RIPOR3: variants seen among roughly 807,000 people sequenced by gnomAD.
The protein encoded by RIPOR3 is RIPOR family member 3.
RIPOR3 carries 95 observed loss-of-function variants against 114.3 expected under a neutral mutation model. The ratio of observed to expected loss-of-function variants is 0.83; its 90% CI spans 0.70 to 0.99. The LOEUF is 0.99. RIPOR3 is among the 50% of genes least tolerant of loss of function. The probability of loss-of-function intolerance (pLI) is 0.00; values close to 1 mark genes in which losing one functional copy is unlikely to be tolerated. For synonymous variants in RIPOR3, 575 were observed against 543.8 expected (o/e 1.06, Z -0.80); for missense variants, 1,252 against 1,266.9 (o/e 0.99, Z 0.18).
chr20:50,688,064 C>T (rs1016533970), intron 1 of RIPOR3, among the ~76,000 whole-genome samples: 3 of 152,268 alleles, frequency 2.0e-5, no homozygotes, highest in Admixed American at 2.0e-4. Context: ...CTGTAATCAA[C>T]CTATGGTTAC....
At chr20:50,632,948 G>A (rs6012983) in intron 1 of RIPOR3, among the ~76,000 whole-genome samples, 5,856 of 152,246 alleles carry the variant, frequency 0.038, 399 homozygotes, top group African/African-American at 0.13. Flanking sequence ...GTGCTGTGCT[G>A]AGCCAGCTTG....
At chr20:50,652,563 C>T (rs2123406688) in intron 1 of RIPOR3, among the ~76,000 whole-genome samples, 1 of 128,644 alleles carries the variant, frequency 7.8e-6, no homozygotes, top group South Asian at 2.6e-4. Context: ...GGCACTCCAG[C>T]CTGGGCGACA....
chr20:50,652,013 T>C (rs1436012965), intron 1 of RIPOR3, among the ~76,000 whole-genome samples: 1 of 152,140 alleles, frequency 6.6e-6, no homozygotes, highest in Non-Finnish European at 1.5e-5. Flanking sequence ...CCCCTCGGAG[T>C]CTGGCACAGG....
At chr20:50,631,132 G>A (rs188541939) in intron 1 of RIPOR3, among the ~76,000 whole-genome samples, 48 of 152,246 alleles carry the variant, frequency 3.2e-4, no homozygotes, top group Middle Eastern at 3.4e-3. Flanking sequence ...GCCTCCCAGA[G>A]CAAGGGGACA....
At chr20:50,675,940 TCAGA>T (rs1242232019) in intron 1 of RIPOR3, among the ~76,000 whole-genome samples, 1 of 152,194 alleles carries the variant, frequency 6.6e-6, no homozygotes, top group Middle Eastern at 3.2e-3. Context: ...TTAAATATCC[TCAGA>T]CAATCCCAGA....
chr20:50,666,092 A>G (rs1206080784), intron 1 of RIPOR3, among the ~76,000 whole-genome samples: 1 of 151,464 alleles, frequency 6.6e-6, no homozygotes, highest in Non-Finnish European at 1.5e-5. Flanking sequence ...GGAAGGGTTT[A>G]TTAACATGAC....
chr20:50,597,425 G>A (rs2083331609), intron 14 of RIPOR3, 155 bp downstream of exon 14: 5 of 1,115,698 alleles, frequency 4.5e-6, no homozygotes, highest in African/African-American at 3.1e-5. Context: ...GGGGATGTGC[G>A]GGGATGGCAT....
intron 1 of RIPOR3, among the ~76,000 whole-genome samples, chr20:50,672,022 G>A (rs1389373778): frequency 6.8e-6 from 1 of 146,948 alleles, no homozygotes; most frequent in East Asian, 2.1e-4. Context: ...GGATGGATGG[G>A]TAGGTGGGTG....
intron 1 of RIPOR3, among the ~76,000 whole-genome samples, chr20:50,679,104 CAAAAAAAAAAAAAAAAAAA>C (rs1215128742): frequency 2.8e-5 from 1 of 35,988 alleles, no homozygotes; most frequent in Admixed American, 6.1e-4. Flanking sequence ...GATCCTGTCT[CAAAAAAAAAAAAAAAAAAA>C]AAAAAAAAAA....
intron 11 of RIPOR3, among the ~76,000 whole-genome samples, chr20:50,606,223 C>A (rs928970818): frequency 3.3e-5 from 5 of 152,032 alleles, no homozygotes; most frequent in African/African-American, 1.2e-4. Flanking sequence ...AAAAAAGAAA[C>A]CTTTCTCAGA....
intron 1 of RIPOR3, among the ~76,000 whole-genome samples, chr20:50,633,764 G>A (rs1050222050): frequency 2.0e-5 from 3 of 152,126 alleles, no homozygotes; most frequent in Non-Finnish European, 4.4e-5. Flanking sequence ...CAAGCCCCAG[G>A]TCCTCCTGCT....
intron 1 of RIPOR3, among the ~76,000 whole-genome samples, chr20:50,638,020 C>T (rs1246998882): frequency 2.0e-5 from 3 of 151,914 alleles, no homozygotes; most frequent in Non-Finnish European, 4.4e-5. Flanking sequence ...GCCCAGCCTG[C>T]TGGTTTTTAA....
rs552767410 is a variant in RIPOR3, at chr20:50,602,403, T to C, written c.1328A>G (p.Glu443Gly). The C allele has an allele frequency of 6.2e-7, 1 of 1,610,272 alleles. No homozygotes were observed. Among genetic ancestry groups the C allele is most frequent in the Admixed American group, 1.7e-5 (1 of 59,790 alleles). ...PLTFGPHASI[E>G]EEAREDPLPP... ...CAGGGGGTCCTCCCGAGCCTCCTCT[T>C]CAATGGAGGCGTGGGGACCGAAGGT... The change falls in exon 13 of 22, where the codon GAA becomes GGA. Residue 443 changes from glutamate to glycine, a missense_variant. By Grantham distance (98) the Glu-to-Gly change is moderately conservative. Coordinates refer to ENST00000327979, the MANE Select transcript of RIPOR3 (RefSeq NM_001290268.2). The surrounding 1 kb of genome is among the most constrained non-coding windows in gnomAD (Gnocchi z 4.3).
chr20:50,667,543 C>T (rs371523236), intron 1 of RIPOR3, among the ~76,000 whole-genome samples: 11 of 151,972 alleles, frequency 7.2e-5, no homozygotes, highest in Admixed American at 2.0e-4. Context: ...CCGCCTGCCT[C>T]GGCCTCCCAA....
intron 1 of RIPOR3, among the ~76,000 whole-genome samples, chr20:50,640,189 G>A (rs1444682078): frequency 1.3e-5 from 2 of 152,202 alleles, no homozygotes; most frequent in Admixed American, 6.5e-5. Flanking sequence ...TGGGTCTGCG[G>A]CTCCCACAGG....
chr20:50,631,512 G>A (rs1039220650), intron 1 of RIPOR3, among the ~76,000 whole-genome samples: 1 of 152,230 alleles, frequency 6.6e-6, no homozygotes, highest in Admixed American at 6.5e-5. Context: ...GGCTAAAGAC[G>A]AGGTCAGAGA....
At chr20:50,592,272 C>G in intron 19 of RIPOR3, 72 bp downstream of exon 19, 2 of 1,443,330 alleles carry the variant, frequency 1.4e-6, no homozygotes, top group Non-Finnish European at 1.8e-6. Context: ...TTGTACTTTT[C>G]CATGAGAACA....
intron 1 of RIPOR3, chr20:50,659,989 G>A (rs914747406): frequency 6.6e-6 from 1 of 152,218 alleles, no homozygotes; most frequent in African/African-American, 2.4e-5. Flanking sequence ...TGCCCCAAAA[G>A]GATGAGCCTG....
At chr20:50,638,290 C>T (rs549577898) in intron 1 of RIPOR3, among the ~76,000 whole-genome samples, 23 of 152,308 alleles carry the variant, frequency 1.5e-4, no homozygotes, top group Admixed American at 9.2e-4. Flanking sequence ...GCTCCACTGT[C>T]CCAGGACTGC....
Sources: gnomAD v4.1 joint callset for allele counts (sites outside exome capture counted in the v4.1 genomes callset) on GRCh38, gnomAD v4.1.1 for gene constraint, Gnocchi (gnomAD v3.1) non-coding constraint, MANE v1.5 for transcripts, NCBI Gene and HGNC (gene_info 2026-07-23, HGNC 2026-07-21) for gene names.